TDRD3: variants seen among roughly 807,000 people sequenced by gnomAD.
TDRD3 encodes tudor domain-containing protein 3.
TDRD3 carries 45 observed loss-of-function variants against 86.7 expected under a neutral mutation model. The observed-to-expected ratio is 0.52, with a 90% CI of 0.41 to 0.67. TDRD3 has a LOEUF of 0.67. Ranked by LOEUF, TDRD3 falls within the 30% of genes least tolerant of loss-of-function variation. TDRD3 has a pLI of 0.00. For missense variants in TDRD3, 814 were observed against 889.0 expected, an observed-to-expected ratio of 0.92 and a Z score of 1.07; for synonymous variants, 298 against 301.7, an observed-to-expected ratio of 0.99 and a Z score of 0.13.
chr13:60,501,193 G>A (rs545880882), intron 8 of TDRD3, among the ~76,000 whole-genome samples: 28 of 152,178 alleles, frequency 1.8e-4, no homozygotes, highest in Non-Finnish European at 3.4e-4. Flanking sequence ...TCCCCCCGCT[G>A]GAGTGGTAAC....
chr13:60,520,346 A>T (rs1297435733), intron 10 of TDRD3, among the ~76,000 whole-genome samples: 1 of 152,196 alleles, frequency 6.6e-6, no homozygotes, highest in Non-Finnish European at 1.5e-5. Flanking sequence ...AATATACAAT[A>T]ATTTTTCCTT....
chr13:60,401,680 T>C (rs1053729578), intron 1 of TDRD3, among the ~76,000 whole-genome samples: 13 of 151,142 alleles, frequency 8.6e-5, no homozygotes, highest in African/African-American at 3.2e-4. Flanking sequence ...CAGGTTTTGT[T>C]TTGTTTGTTT....
Position 60,529,168 on chromosome 13 carries a change from T to G in TDRD3, c.1943T>G (p.Met648Arg). 1.2e-6 allele frequency: 2 copies of G among 1,609,322 alleles called. No individual in the cohort carries two copies. Among genetic ancestry groups the G allele is most frequent in the Non-Finnish European group, 1.7e-6 (2 of 1,178,358 alleles). ...TCTATTCCTATGGAGTATGCAAAAA[T>G]GTGGAAACCTGGAGATGAATGTTTT... ...ESSIPMEYAK[M>R]WKPGDECFAL... Residue 648 changes from methionine to arginine, a missense_variant, in exon 11 of 14, where the codon ATG (methionine) becomes AGG (arginine). Met to Arg is a moderately conservative substitution (Grantham distance 91). Transcript: ENST00000377881.
At chr13:60,552,049 A>G (rs1958070051) in intron 12 of TDRD3, among the ~76,000 whole-genome samples, 1 of 152,056 alleles carries the variant, frequency 6.6e-6, no homozygotes, top group Non-Finnish European at 1.5e-5. Context: ...CTTCTCCCAA[A>G]TCTCATATCC....
intron 1 of TDRD3, among the ~76,000 whole-genome samples, chr13:60,412,085 C>T (rs554730594): frequency 2.6e-5 from 4 of 152,178 alleles, no homozygotes; most frequent in Non-Finnish European, 5.9e-5. Context: ...AGCTCAGTGA[C>T]TCTCAAACAA....
At chr13:60,546,967 A>G (rs1045090012) in intron 12 of TDRD3, among the ~76,000 whole-genome samples, 28 of 152,158 alleles carry the variant, frequency 1.8e-4, no homozygotes, top group African/African-American at 5.8e-4. Context: ...AGTGTGTTTT[A>G]TAAACTTTCT....
chr13:60,454,608 G>A (rs968855452), intron 3 of TDRD3, among the ~76,000 whole-genome samples: 1 of 152,128 alleles, frequency 6.6e-6, no homozygotes, highest in Non-Finnish European at 1.5e-5. Context: ...GTGAGTTAAA[G>A]TGCTGGCTAA....
upstream of TDRD3, among the ~76,000 whole-genome samples, chr13:60,395,810 T>C (rs1262107925): frequency 6.6e-6 from 1 of 152,148 alleles, no homozygotes; most frequent in African/African-American, 2.4e-5. Context: ...CCGATGACTA[T>C]AAATTGAAAT....
At position 60,452,486 on chromosome 13, in the gene TDRD3, G is replaced by T. The variant is rs569498779; in HGVS notation, c.192+7738G>T. Among the ~76,000 whole-genome samples the T allele has an allele frequency of 4.0e-5, 6 of 151,894 alleles. 1 individual carries two copies. The South Asian group carries it at 1.3e-3, about 32-fold the overall frequency. ...GAATAATATATTCTTACATTATTCT[G>T]TATATTCTTTTGAGTTTTCTCTATA... On this transcript the variant is annotated intron_variant, in intron 3 of 13. Transcript: ENST00000377881.
intron 5 of TDRD3, among the ~76,000 whole-genome samples, chr13:60,470,596 T>G (rs1205849641): frequency 1.3e-5 from 2 of 150,148 alleles, no homozygotes; most frequent in South Asian, 2.1e-4. Flanking sequence ...TTGGGTTTTT[T>G]TTTTTTTTTT....
intron 11 of TDRD3, among the ~76,000 whole-genome samples, chr13:60,532,368 A>G (rs780186449): frequency 6.6e-6 from 1 of 152,112 alleles, no homozygotes; most frequent in Non-Finnish European, 1.5e-5. Context: ...AATAGATTAC[A>G]CCACCCTTAA....
At chr13:60,411,680 T>C (rs867357877) in intron 1 of TDRD3, among the ~76,000 whole-genome samples, 1 of 152,160 alleles carries the variant, frequency 6.6e-6, no homozygotes, top group Admixed American at 6.5e-5. Flanking sequence ...CCCAGGTTCC[T>C]TTCATCTTAT....
intron 12 of TDRD3, among the ~76,000 whole-genome samples, chr13:60,556,140 C>A (rs1958179740): frequency 6.6e-6 from 1 of 152,142 alleles, no homozygotes; most frequent in African/African-American, 2.4e-5. Flanking sequence ...GCCACCGCAC[C>A]CGGCCCAACC....
intron 12 of TDRD3, among the ~76,000 whole-genome samples, chr13:60,557,820 A>ATTTTTTTTTTTTTTTTT (rs749028045): frequency 1.7e-4 from 15 of 88,284 alleles, no homozygotes; most frequent in African/African-American, 3.3e-4. Flanking sequence ...TTTTTTCCTG[A>ATTTTTTTTTTTTTTTTT]TTTTTTTTTT....
chr13:60,454,985 C>T (rs769170716), intron 3 of TDRD3, among the ~76,000 whole-genome samples: 10 of 152,118 alleles, frequency 6.6e-5, no homozygotes, highest in East Asian at 3.9e-4. Context: ...GCGATCTCGG[C>T]TCACTGCAAC....
intron 1 of TDRD3, among the ~76,000 whole-genome samples, chr13:60,399,653 C>A (rs1954039575): frequency 1.3e-5 from 2 of 152,230 alleles, no homozygotes; most frequent in East Asian, 1.9e-4. Context: ...TTTGCTCTTA[C>A]ACTTGGGGTT....
chr13:60,420,279 T>C (rs1392063867), intron 1 of TDRD3, among the ~76,000 whole-genome samples: 1 of 152,148 alleles, frequency 6.6e-6, no homozygotes, highest in African/African-American at 2.4e-5. Context: ...TTAAAATACA[T>C]ATGCTATGAA....
At chr13:60,467,089 A>G in intron 4 of TDRD3, 149 bp from the exon 5 acceptor site, 1 of 803,070 alleles carries the variant, frequency 1.2e-6, no homozygotes, top group Non-Finnish European at 1.9e-6. Context: ...TCACCTAGCT[A>G]TTAAGCCCAG....
intron 8 of TDRD3, among the ~76,000 whole-genome samples, chr13:60,498,754 C>T (rs1004010095): frequency 6.6e-6 from 1 of 152,104 alleles, no homozygotes; most frequent in Non-Finnish European, 1.5e-5. Context: ...CGGCCTTTTA[C>T]CAGGGTAACT....
Sources: allele counts gnomAD v4.1 joint callset (sites outside exome capture counted in the v4.1 genomes callset), GRCh38; gene constraint gnomAD v4.1.1; transcripts MANE v1.5; gene names NCBI Gene and HGNC (gene_info 2026-07-23, HGNC 2026-07-21).